ARID3A: variants seen among roughly 807,000 people sequenced by gnomAD.
ARID3A encodes the protein AT-rich interactive domain-containing protein 3A.
Under a neutral mutation model 52.7 loss-of-function variants are expected in ARID3A, and 11 were observed. The observed-to-expected ratio is 0.21, with a 90% CI of 0.13 to 0.35. The LOEUF (loss-of-function observed/expected upper bound fraction) is 0.35, where lower values mean the gene tolerates loss of function less well. ARID3A is among the 10% of genes least tolerant of loss of function. The probability of loss-of-function intolerance (pLI) is 1.00; values close to 1 mark genes in which losing one functional copy is unlikely to be tolerated. For synonymous variants in ARID3A, 404 were observed against 359.4 expected (o/e 1.12, Z -1.40); for missense variants, 721 against 838.5 (o/e 0.86, Z 1.73).
intron 3 of ARID3A, among the ~76,000 whole-genome samples, chr19:933,423 G>C (rs977741593): frequency 6.6e-6 from 1 of 152,178 alleles, no homozygotes; most frequent in Admixed American, 6.5e-5. Context: ...GCTGGGCCGG[G>C]CAGATGGAAA....
rs1175697360 is a variant in ARID3A, at chr19:938,463, G to A, written c.693+5721G>A. Among the ~76,000 whole-genome samples the A allele has an allele frequency of 2.6e-5, 4 of 152,194 alleles. No individual in the cohort carries two copies. Among genetic ancestry groups the A allele is most frequent in the South Asian group, 2.1e-4 (1 of 4,836 alleles). ...GTGATCACATGACTTGTGCACAGTCGCCCGGGGGACGTGTCAGAGCTGGAA... is the reference window on the plus strand; with the variant it reads ...GTGATCACATGACTTGTGCACAGTCACCCGGGGGACGTGTCAGAGCTGGAA... On this transcript the variant is annotated intron_variant, in intron 3 of 8. Transcript: ENST00000263620. This position sits in a 1 kb window ranked among gnomAD's most constrained non-coding sequence, Gnocchi z 4.0.
At chr19:967,844 A>G (rs1183608025) in intron 7 of ARID3A, among the ~76,000 whole-genome samples, 2 of 152,040 alleles carry the variant, frequency 1.3e-5, no homozygotes, top group Admixed American at 6.6e-5. Flanking sequence ...CAGGACTTCA[A>G]GACCAGCCTG....
intron 4 of ARID3A, among the ~76,000 whole-genome samples, chr19:962,910 T>A (rs1302699491): frequency 6.6e-6 from 1 of 152,206 alleles, no homozygotes; most frequent in African/African-American, 2.4e-5. Flanking sequence ...GGGCCGATCC[T>A]GCAGCTGAAA....
chr19:942,521 C>T lies in ARID3A; in HGVS notation c.693+9779C>T, dbSNP rs1479354827. 6.6e-6 allele frequency among the ~76,000 whole-genome samples: 1 copy of T among 152,214 alleles called. No homozygotes were observed. Among genetic ancestry groups the T allele is most frequent in the African/African-American group, 2.4e-5 (1 of 41,458 alleles). ...ACATGGCCAGAGGACAATTGGGGGT[C>T]ACAGGGTTAAACGCTGACTAATCTG... On this transcript the variant is annotated intron_variant, in intron 3 of 8. Coordinates refer to ENST00000263620, the MANE Select transcript of ARID3A (RefSeq NM_005224.3). The surrounding 1 kb of genome is among the most constrained non-coding windows in gnomAD (Gnocchi z 8.1).
intron 3 of ARID3A, among the ~76,000 whole-genome samples, chr19:954,227 C>T (rs1256275812): frequency 3.9e-5 from 6 of 152,256 alleles, no homozygotes; most frequent in East Asian, 3.9e-4. Context: ...GCAGGAGGGG[C>T]GGCCGGGGGA....
chr19:962,277 T>C (rs1198689431), intron 4 of ARID3A, among the ~76,000 whole-genome samples: 1 of 152,082 alleles, frequency 6.6e-6, no homozygotes, highest in African/African-American at 2.4e-5. Flanking sequence ...TCTAACTAAA[T>C]TTCTCAGAAT....
At position 973,134 on chromosome 19, in the gene ARID3A, G is replaced by GTT. The variant is rs2038317534; in HGVS notation, c.*1072_*1073dup. 1.0e-4 allele frequency: 1 copy of GTT among 9,876 alleles called. No individual in the cohort carries two copies. The allele number at this position is 9,876 out of a possible 1,614,324, so 0.6% of individuals were successfully genotyped here. ...TTTTTTTTTTTTTTTTTGAGACGGA[G>GTT]TTTTGCTCTTGTCGCCCAGGCTGGA... On this transcript the variant is annotated 3_prime_UTR_variant, in exon 9 of 9. Transcript: ENST00000263620.
Position 966,626 on chromosome 19 carries a change from C to A in ARID3A, c.1253C>A (p.Ala418Glu). ...CCTGGCCGCCTGCCTGTGTCCCTGG[C>A]GGGCCACCCTGTGGTGGCAGCCCAG... ...TVPGRLPVSL[A>E]GHPVVAAQAA... Residue 418 changes from alanine (A) to glutamate (E), a missense_variant, in exon 7 of 9, where the codon GCG becomes GAG. Transcript: ENST00000263620. The A allele has an allele frequency of 6.3e-7, 1 of 1,595,448 alleles. No individual in the cohort carries two copies. The highest frequency in any genetic ancestry group is 2.3e-5 in the East Asian group (1 of 44,410).
chr19:971,900 G>A lies in ARID3A; in HGVS notation c.1617G>A (p.Pro539=), dbSNP rs372631058. Residue 539 remains proline (P), a synonymous_variant, in exon 9 of 9, where the codon CCG becomes CCA. Transcript: ENST00000263620. ...MYTGVLFAQP[P]APTPTSAPNK... is the part of the protein sequence containing the mutation. ...TAGGAGTTCTGTTTGCTCAGCCGCC[G>A]GCCCCCACGCCAACCTCTGCTCCCA... 509 of 1,602,232 alleles carry A rather than the reference G, an allele frequency of 3.2e-4. No individual in the cohort carries two copies. The highest frequency in any genetic ancestry group is 4.1e-4 in the Non-Finnish European group (482 of 1,174,622).
At position 929,323 on chromosome 19, in the gene ARID3A, G is replaced by A; in HGVS notation, c.-206G>A. The A allele has an allele frequency of 3.6e-6, 2 of 561,292 alleles. No homozygotes were observed. Among genetic ancestry groups the A allele is most frequent in the Non-Finnish European group, 4.9e-6 (2 of 407,374 alleles). 34.8% of individuals were successfully genotyped at this position (561,292 alleles called of 1,614,324 possible). Reference sequence around the variant, plus strand: ...TCTGTCCCCTGGAGCCCAGCGTGAGGAAGAGGCATGCCCCATCAGCCTTCA... The same window carrying A: ...TCTGTCCCCTGGAGCCCAGCGTGAGAAAGAGGCATGCCCCATCAGCCTTCA... On this transcript the variant is annotated 5_prime_UTR_variant, in exon 2 of 9. Transcript: ENST00000263620. This position sits in a 1 kb window ranked among gnomAD's most constrained non-coding sequence, Gnocchi z 6.2.
intron 3 of ARID3A, among the ~76,000 whole-genome samples, chr19:940,594 TTCC>T (rs1410726427): frequency 1.3e-5 from 2 of 152,040 alleles, no homozygotes; most frequent in East Asian, 3.9e-4. Flanking sequence ...GAGGAGAATT[TTCC>T]CAGCACAGGC....
chr19:948,367 C>G (rs1055865967), intron 3 of ARID3A, among the ~76,000 whole-genome samples: 7 of 152,150 alleles, frequency 4.6e-5, no homozygotes, highest in African/African-American at 1.7e-4. Context: ...CTGCCTCTGT[C>G]AGTCCTGGGA....
chr19:937,355 G>A (rs1338502053), intron 3 of ARID3A, among the ~76,000 whole-genome samples: 1 of 152,206 alleles, frequency 6.6e-6, no homozygotes, highest in African/African-American at 2.4e-5. Flanking sequence ...TCCTCCAGGT[G>A]CATCAGCACC....
rs2038356327 is a variant in ARID3A at position 975,246 on chromosome 19, C to T, written c.*3181C>T. 1 of 231,262 alleles carries T rather than the reference C, an allele frequency of 4.3e-6. No homozygotes were observed. The highest frequency in any genetic ancestry group is 2.2e-5 in the African/African-American group (1 of 45,178). The allele number at this position is 231,262 out of a possible 1,614,324, so 14.3% of individuals were successfully genotyped here. A position where few individuals can be genotyped will look rare whatever the true frequency, so the allele number is the denominator to read the frequency against. ...CTGGCTGCGTACTGAGTGGGTGCCC[C>T]ACAGTCAAGGCCAACGGGGGCTCCC... On this transcript the variant is annotated 3_prime_UTR_variant, in exon 9 of 9. Coordinates refer to ENST00000263620, the MANE Select transcript of ARID3A (RefSeq NM_005224.3).
rs1221757734 is a variant in ARID3A, at chr19:975,677, G to A, written c.*3612G>A. The A allele has an allele frequency of 5.0e-6, 1 of 200,992 alleles. No individual in the cohort carries two copies. Among genetic ancestry groups the A allele is most frequent in the Admixed American group, 6.0e-5 (1 of 16,538 alleles). The allele number at this position is 200,992 out of a possible 1,614,324, so 12.5% of individuals were successfully genotyped here. On this transcript the variant is annotated 3_prime_UTR_variant, in exon 9 of 9. Coordinates refer to ENST00000263620, the MANE Select transcript of ARID3A (RefSeq NM_005224.3). Reference sequence around the variant, plus strand: ...GCTGGGCCCAGCCTGTCTCGCCCTGGCCGCGGCAGGGTGGCCTGTAACAAT... The same window carrying A: ...GCTGGGCCCAGCCTGTCTCGCCCTGACCGCGGCAGGGTGGCCTGTAACAAT...
chr19:972,114 C>T lies in ARID3A; in HGVS notation c.*49C>T, dbSNP rs1349708405. On this transcript the variant is annotated 3_prime_UTR_variant, in exon 9 of 9. Coordinates refer to ENST00000263620, the MANE Select transcript of ARID3A (RefSeq NM_005224.3). Reference sequence around the variant, plus strand: ...CCACCCTGGAGCCCGCCGGCCTGGGCAGGGGGTCCAGGTGGGCCACACAGG... The same window carrying T: ...CCACCCTGGAGCCCGCCGGCCTGGGTAGGGGGTCCAGGTGGGCCACACAGG... 6.8e-7 allele frequency: 1 copy of T among 1,473,346 alleles called. No individual in the cohort carries two copies. The highest frequency in any genetic ancestry group is 2.9e-5 in the East Asian group (1 of 35,018). The allele number at this position is 1,473,346 out of a possible 1,614,324, so 91.3% of individuals were successfully genotyped here.
chr19:930,363 C>T (rs1436067348), intron 2 of ARID3A, among the ~76,000 whole-genome samples: 1 of 150,986 alleles, frequency 6.6e-6, no homozygotes, highest in African/African-American at 2.4e-5. Context: ...ACCAGCCCGG[C>T]CAACATGGCG....
At position 965,242 on chromosome 19, in the gene ARID3A, G is replaced by A. The variant is rs930100136; in HGVS notation, c.1198+162G>A. The A allele has an allele frequency of 2.6e-5, 21 of 795,196 alleles. No homozygotes were observed. In the African/African-American group the frequency reaches 3.7e-4, roughly 14 times the overall value. 49.3% of individuals were successfully genotyped at this position (795,196 alleles called of 1,614,324 possible). ...ATCTACCAGTCCTCTGCCTATGGCA[G>A]ACATTACCAATCCATCACCATTTTC... On this transcript the variant is annotated intron_variant, in intron 6 of 8. Coordinates refer to ENST00000263620, the MANE Select transcript of ARID3A (RefSeq NM_005224.3).
intron 8 of ARID3A, among the ~76,000 whole-genome samples, chr19:971,022 A>AG (rs1350538560): frequency 6.6e-5 from 10 of 152,224 alleles, no homozygotes; most frequent in Non-Finnish European, 1.5e-4. Flanking sequence ...ACTGTGTGCT[A>AG]GGGGTCTCGC....
Sources: allele counts gnomAD v4.1 joint callset (sites outside exome capture counted in the v4.1 genomes callset), GRCh38; gene constraint gnomAD v4.1.1; non-coding constraint Gnocchi (gnomAD v3.1); transcripts MANE v1.5; gene names NCBI Gene and HGNC (gene_info 2026-07-23, HGNC 2026-07-21).